Variants in SPIDR observed in about 807,000 individuals in gnomAD.
The protein encoded by SPIDR is scaffold protein involved in DNA repair, also known as DNA repair-scaffolding protein.
In SPIDR, 93 loss-of-function variants were observed where a neutral mutation model predicts 104.6. The observed-to-expected ratio is 0.89, with a 90% CI of 0.75 to 1.06. SPIDR has a LOEUF of 1.06. Among genes scored for constraint, SPIDR ranks in the 50% least tolerant of loss-of-function variants. The probability of loss-of-function intolerance (pLI) is 0.00; values close to 1 mark genes in which losing one functional copy is unlikely to be tolerated. For synonymous variants in SPIDR, 431 were observed against 416.9 expected, an observed-to-expected ratio of 1.03 and a Z score of -0.41; for missense variants, 1,154 against 1,111.2, an observed-to-expected ratio of 1.04 and a Z score of -0.55.
At chr8:47,711,258 T>G (rs1360750460) in intron 14 of SPIDR, among the ~76,000 whole-genome samples, 2 of 152,212 alleles carry the variant, frequency 1.3e-5, no homozygotes, top group African/African-American at 2.4e-5. Context: ...ATCTTTTGCT[T>G]TCTGTGCTCT....
At chr8:47,606,101 A>C (rs1249818857) in intron 10 of SPIDR, among the ~76,000 whole-genome samples, 1 of 152,196 alleles carries the variant, frequency 6.6e-6, no homozygotes, top group Non-Finnish European at 1.5e-5. Context: ...CTGCTGTCTA[A>C]ATGATGGAGA....
At chr8:47,339,163 C>T (rs1045092294) in intron 5 of SPIDR, among the ~76,000 whole-genome samples, 23 of 152,324 alleles carry the variant, frequency 1.5e-4, no homozygotes, top group African/African-American at 5.3e-4. Flanking sequence ...TAAGATTTAA[C>T]ACAGAATCAT....
At position 47,350,609 on chromosome 8, in the gene SPIDR, T is replaced by C. The variant is rs576345089; in HGVS notation, c.526-45767T>C. ...GGTTACAGGCGTGTGCCACTGTGCCTGGCCTAATTTCTTAAATAAAGGAGC... is the reference window on the plus strand; with the variant it reads ...GGTTACAGGCGTGTGCCACTGTGCCCGGCCTAATTTCTTAAATAAAGGAGC... On this transcript the variant is annotated intron_variant, in intron 5 of 19. Transcript: ENST00000297423. Among the ~76,000 whole-genome samples, 420 of 152,334 alleles carry C rather than the reference T, an allele frequency of 2.8e-3. 1 individual carries two copies. Among genetic ancestry groups the C allele is most frequent in the African/African-American group, 9.9e-3 (410 of 41,584 alleles).
chr8:47,446,214 A>T (rs1220841319), intron 8 of SPIDR, among the ~76,000 whole-genome samples: 1 of 152,198 alleles, frequency 6.6e-6, no homozygotes, highest in Non-Finnish European at 1.5e-5. Context: ...ACAGCTGGTG[A>T]CTTTAAATTG....
At chr8:47,373,358 G>A (rs2058269439) in intron 5 of SPIDR, among the ~76,000 whole-genome samples, 1 of 152,148 alleles carries the variant, frequency 6.6e-6, no homozygotes, top group Admixed American at 6.5e-5. Context: ...CTTATAGTGT[G>A]GAGAAAATTG....
chr8:47,621,809 A>G (rs1429671347), intron 10 of SPIDR, among the ~76,000 whole-genome samples: 1 of 152,176 alleles, frequency 6.6e-6, no homozygotes, highest in Non-Finnish European at 1.5e-5. Context: ...CCCTGTCTCT[A>G]CAAAAATTAG....
chr8:47,333,413 T>C (rs1250269251), intron 5 of SPIDR, among the ~76,000 whole-genome samples: 3 of 152,170 alleles, frequency 2.0e-5, no homozygotes, highest in Non-Finnish European at 4.4e-5. Flanking sequence ...GCAATTCTCC[T>C]GTCTCAGCCT....
chr8:47,582,827 T>TACAC (rs72295566), intron 8 of SPIDR, among the ~76,000 whole-genome samples: 1,834 of 130,220 alleles, frequency 0.014, 21 homozygotes, highest in East Asian at 0.023. Flanking sequence ...AACAACAAAT[T>TACAC]ACACACACAC....
At chr8:47,407,822 C>A in intron 6 of SPIDR, 39 bp from the exon 7 acceptor site, 1 of 1,312,184 alleles carries the variant, frequency 7.6e-7, no homozygotes, top group South Asian at 1.3e-5. Flanking sequence ...TGAAGTTTTC[C>A]TTTTAACTAA....
chr8:47,595,959 C>G lies in SPIDR; in HGVS notation c.1246C>G (p.Gln416Glu). The G allele has an allele frequency of 6.2e-7, 1 of 1,613,914 alleles. No individual in the cohort carries two copies. The highest frequency in any genetic ancestry group is 8.5e-7 in the Non-Finnish European group (1 of 1,179,974). ...TCCAAGAAGAAGCATCTCTTTGGCC[C>G]AGATGTTTGTAATTAAGGGTCTAAC... is the stretch of plus-strand genomic sequence containing the variant. ...PLPRRSISLAQMFVIKGLTNN... is the reference protein window; with the variant it reads ...PLPRRSISLAEMFVIKGLTNN... The change falls in exon 9 of 20, where the codon CAG (glutamine) becomes GAG (glutamate). Residue 416 changes from glutamine to glutamate, a missense_variant. Coordinates refer to ENST00000297423, the MANE Select transcript of SPIDR (RefSeq NM_001080394.4).
intron 1 of SPIDR, among the ~76,000 whole-genome samples, chr8:47,268,207 C>T (rs1358939275): frequency 1.3e-5 from 2 of 152,158 alleles, no homozygotes; most frequent in East Asian, 1.9e-4. Context: ...TCCATGTCTG[C>T]CTTTATTCTA....
intron 8 of SPIDR, among the ~76,000 whole-genome samples, chr8:47,499,275 C>T (rs1288314487): frequency 6.6e-6 from 1 of 152,170 alleles, no homozygotes; most frequent in Non-Finnish European, 1.5e-5. Flanking sequence ...CATGCAAAGT[C>T]TATGACTGTC....
intron 10 of SPIDR, among the ~76,000 whole-genome samples, chr8:47,599,462 A>T (rs1311248616): frequency 6.6e-6 from 1 of 152,220 alleles, no homozygotes; most frequent in Middle Eastern, 3.2e-3. Flanking sequence ...AGTAATACAA[A>T]TGCAAGAAAT....
intron 11 of SPIDR, among the ~76,000 whole-genome samples, chr8:47,694,757 A>G (rs1412727908): frequency 6.6e-6 from 1 of 152,054 alleles, no homozygotes; most frequent in East Asian, 1.9e-4. Flanking sequence ...TCCAAAAAAT[A>G]TATATATTTG....
chr8:47,512,776 G>A (rs747061204), intron 8 of SPIDR, among the ~76,000 whole-genome samples: 1 of 152,162 alleles, frequency 6.6e-6, no homozygotes, highest in Non-Finnish European at 1.5e-5. Flanking sequence ...GTATTGCGGG[G>A]GAGGCACTTT....
At chr8:47,480,561 C>T (rs782062652) in intron 8 of SPIDR, among the ~76,000 whole-genome samples, 6 of 152,196 alleles carry the variant, frequency 3.9e-5, no homozygotes, top group African/African-American at 1.4e-4. Flanking sequence ...TGGTGGATGA[C>T]GTCAAATGTC....
At chr8:47,459,472 G>T (rs2073573212) in intron 8 of SPIDR, among the ~76,000 whole-genome samples, 1 of 152,060 alleles carries the variant, frequency 6.6e-6, no homozygotes, top group African/African-American at 2.4e-5. Flanking sequence ...TGTGGTGTCA[G>T]TCTTGATATC....
chr8:47,439,089 G>C (rs1018248207), intron 7 of SPIDR, among the ~76,000 whole-genome samples: 2 of 152,018 alleles, frequency 1.3e-5, no homozygotes, highest in African/African-American at 2.4e-5. Flanking sequence ...AAAGCACAGA[G>C]AATAATAGAA....
chr8:47,284,106 G>A lies in SPIDR; in HGVS notation c.256+12G>A, dbSNP rs2038338952. 1.3e-6 allele frequency: 2 copies of A among 1,597,356 alleles called. No homozygotes were observed. The highest frequency in any genetic ancestry group is 1.7e-6 in the Non-Finnish European group (2 of 1,170,966). On this transcript the variant is annotated intron_variant, in intron 3 of 19. Coordinates refer to ENST00000297423, the MANE Select transcript of SPIDR (RefSeq NM_001080394.4). ...TAGACCCAAGCAAGGTAACTATTTTGTTGATTTCTTGACAGAGAAGATATA... is the reference window on the plus strand; with the variant it reads ...TAGACCCAAGCAAGGTAACTATTTTATTGATTTCTTGACAGAGAAGATATA...
Sources: allele counts gnomAD v4.1 joint callset (sites outside exome capture counted in the v4.1 genomes callset), GRCh38; gene constraint gnomAD v4.1.1; transcripts MANE v1.5; gene names NCBI Gene and HGNC (gene_info 2026-07-23, HGNC 2026-07-21).